FAF1: variants seen among roughly 807,000 people sequenced by gnomAD.
FAF1 encodes Fas associated factor 1.
FAF1 carries 25 observed loss-of-function variants against 92.5 expected under a neutral mutation model. The observed-to-expected ratio is 0.27, with a 90% CI of 0.20 to 0.38. The LOEUF (loss-of-function observed/expected upper bound fraction) is 0.38. Among genes scored for constraint, FAF1 ranks in the 10% least tolerant of loss-of-function variants. The probability of loss-of-function intolerance (pLI) is 1.00; values close to 1 mark genes in which losing one functional copy is unlikely to be tolerated. For synonymous variants in FAF1, 234 were observed against 273.2 expected, an observed-to-expected ratio of 0.86 and a Z score of 1.42; for missense variants, 636 against 793.3, an observed-to-expected ratio of 0.80 and a Z score of 2.38.
chr1:50,640,829 A>ATTTTTTT lies in FAF1; in HGVS notation c.744+14606_744+14612dup, dbSNP rs71059592. On this transcript the variant is annotated intron_variant, in intron 8 of 18. Transcript: ENST00000396153. ...AGTCTAGCTAGGAGTTTATCAGCTG[A>ATTTTTTT]TTTTTTTTTTTTTTTTTTTTTTTGA... Among the ~76,000 whole-genome samples the ATTTTTTT allele has an allele frequency of 2.9e-4, 26 of 88,504 alleles. 2 individuals carry two copies. The highest frequency in any genetic ancestry group is 6.6e-4 in the Admixed American group (4 of 6,034). 58.1% of individuals were successfully genotyped at this position (88,504 alleles called of 152,430 possible). A position where few individuals can be genotyped will look rare whatever the true frequency, so the allele number is the denominator to read the frequency against.
intron 7 of FAF1, among the ~76,000 whole-genome samples, chr1:50,669,012 G>A (rs1034753011): frequency 2.0e-5 from 3 of 152,030 alleles, no homozygotes; most frequent in Non-Finnish European, 2.9e-5. Context: ...TTAAAAAACC[G>A]CCACAAACCA....
At chr1:50,817,080 T>C (rs1373698045) in intron 2 of FAF1, among the ~76,000 whole-genome samples, 8 of 152,196 alleles carry the variant, frequency 5.3e-5, no homozygotes, top group Admixed American at 5.2e-4. Flanking sequence ...TTACGGTTAC[T>C]TTAGTCTTAC....
intron 6 of FAF1, among the ~76,000 whole-genome samples, chr1:50,710,753 C>T (rs1473937902): frequency 6.6e-6 from 1 of 151,646 alleles, no homozygotes; most frequent in East Asian, 1.9e-4. Flanking sequence ...CAGGTGTGTG[C>T]CACCACGCCC....
At chr1:50,712,020 T>C (rs1255783274) in intron 6 of FAF1, among the ~76,000 whole-genome samples, 2 of 152,206 alleles carry the variant, frequency 1.3e-5, no homozygotes, top group Non-Finnish European at 2.9e-5. Flanking sequence ...TGATGTTACT[T>C]ACTTAATTAC....
chr1:50,648,602 G>A (rs1311225634), intron 8 of FAF1, among the ~76,000 whole-genome samples: 1 of 152,142 alleles, frequency 6.6e-6, no homozygotes, highest in Non-Finnish European at 1.5e-5. Flanking sequence ...AAGCAAGGCT[G>A]AATGTGATTC....
chr1:50,700,901 T>C (rs185222714), intron 7 of FAF1, among the ~76,000 whole-genome samples: 7 of 152,248 alleles, frequency 4.6e-5, no homozygotes, highest in Admixed American at 3.3e-4. Flanking sequence ...ATTATAAATA[T>C]TAAATTTATT....
At chr1:50,592,937 CAAA>C (rs1374336185) in intron 9 of FAF1, among the ~76,000 whole-genome samples, 1 of 92,280 alleles carries the variant, frequency 1.1e-5, no homozygotes, top group Non-Finnish European at 2.3e-5. Context: ...GACTCTGTTT[CAAA>C]AAAAAAAAAA....
At chr1:50,641,662 T>C (rs1275791797) in intron 8 of FAF1, among the ~76,000 whole-genome samples, 4 of 152,232 alleles carry the variant, frequency 2.6e-5, no homozygotes, top group Non-Finnish European at 4.4e-5. Flanking sequence ...CCTGCTATTA[T>C]TGGGTGAAGT....
At chr1:50,648,183 C>A (rs1264171169) in intron 8 of FAF1, among the ~76,000 whole-genome samples, 1 of 152,028 alleles carries the variant, frequency 6.6e-6, no homozygotes, top group Non-Finnish European at 1.5e-5. Context: ...GCTCGAACCC[C>A]GGAGACAGAG....
At chr1:50,932,508 G>A (rs762798311) in intron 1 of FAF1, among the ~76,000 whole-genome samples, 3 of 152,318 alleles carry the variant, frequency 2.0e-5, no homozygotes, top group Admixed American at 1.3e-4. Flanking sequence ...CAGGTCACAC[G>A]GATGCAAAAG....
At chr1:50,719,275 T>G (rs1409484020) in intron 6 of FAF1, among the ~76,000 whole-genome samples, 2 of 152,216 alleles carry the variant, frequency 1.3e-5, no homozygotes, top group Non-Finnish European at 2.9e-5. Context: ...GCAGATTACA[T>G]CATTCTTAAT....
chr1:50,777,969 GA>G (rs2124556964), intron 4 of FAF1, among the ~76,000 whole-genome samples: 1 of 152,250 alleles, frequency 6.6e-6, no homozygotes, highest in East Asian at 1.9e-4. Context: ...AAGGTCAAAA[GA>G]AGAATGTTTA....
chr1:50,898,976 C>A (rs1311917570), intron 1 of FAF1, among the ~76,000 whole-genome samples: 1 of 152,124 alleles, frequency 6.6e-6, no homozygotes, highest in Non-Finnish European at 1.5e-5. Flanking sequence ...TCTGCAGATT[C>A]CAATTACACG....
At chr1:50,581,664 G>T (rs572691895) in intron 12 of FAF1, among the ~76,000 whole-genome samples, 1 of 152,278 alleles carries the variant, frequency 6.6e-6, no homozygotes, top group Non-Finnish European at 1.5e-5. Context: ...TGCTAAAGGG[G>T]TAGGTGCTGC....
intron 1 of FAF1, among the ~76,000 whole-genome samples, chr1:50,958,751 C>G (rs1645291374): frequency 6.6e-6 from 1 of 151,020 alleles, no homozygotes; most frequent in Non-Finnish European, 1.5e-5. Context: ...AAAAGCCCAA[C>G]AAAATTTCAG....
At chr1:50,924,108 C>T (rs1482170170) in intron 1 of FAF1, among the ~76,000 whole-genome samples, 1 of 151,960 alleles carries the variant, frequency 6.6e-6, no homozygotes, top group East Asian at 1.9e-4. Flanking sequence ...ATCCAAATTG[C>T]AAAGGAAGAG....
rs369805097 is a variant in FAF1 at position 50,931,730 on chromosome 1, A to C, written c.45+28037T>G. Among the ~76,000 whole-genome samples, 28 of 152,042 alleles carry C rather than the reference A, an allele frequency of 1.8e-4. No individual in the cohort carries two copies. In the South Asian group the frequency reaches 4.6e-3, roughly 25 times the overall value. On this transcript the variant is annotated intron_variant, in intron 1 of 18. Coordinates refer to ENST00000396153, the MANE Select transcript of FAF1 (RefSeq NM_007051.3). ...AAAATACAACAACAACAAAAAAATT[A>C]GCCAGGCATAGAGGCAGGCGCCTGT...
chr1:50,512,083 T>TG (rs1406509746), intron 15 of FAF1, among the ~76,000 whole-genome samples: 2 of 152,192 alleles, frequency 1.3e-5, no homozygotes, highest in African/African-American at 4.8e-5. Context: ...TACTTTTTGA[T>TG]GGGGCTGTTT....
chr1:50,457,865 C>CAA lies in FAF1; in HGVS notation c.1870-16344_1870-16343dup, dbSNP rs78520067. ...GGGTGACAGAGTAAGACCCTGTCTC[C>CAA]AAAAAAAAAAAAAAAAAAAGGTAAA... On this transcript the variant is annotated intron_variant, in intron 18 of 18. Coordinates refer to ENST00000396153, the MANE Select transcript of FAF1 (RefSeq NM_007051.3). Among the ~76,000 whole-genome samples the CAA allele has an allele frequency of 1.4e-3, 83 of 59,428 alleles. 1 individual carries two copies. The highest frequency in any genetic ancestry group is 4.4e-3 in the African/African-American group (71 of 16,238). 39.0% of individuals were successfully genotyped at this position (59,428 alleles called of 152,430 possible). A position where few individuals can be genotyped will look rare whatever the true frequency, so the allele number is the denominator to read the frequency against.
Sources: gnomAD v4.1 joint callset for allele counts (sites outside exome capture counted in the v4.1 genomes callset) on GRCh38, gnomAD v4.1.1 for gene constraint, MANE v1.5 for transcripts, NCBI Gene and HGNC (gene_info 2026-07-23, HGNC 2026-07-21) for gene names.